The following F8 variants were observed in gnomAD, a reference collection of about 807,000 sequenced individuals.
F8 encodes the protein antihemophilic factor.
Under a neutral mutation model 140.6 loss-of-function variants are expected in F8, and 12 were observed. That is an observed-to-expected ratio of 0.09 (90% confidence interval 0.05 to 0.14). The LOEUF (loss-of-function observed/expected upper bound fraction) is 0.14, where lower values mean the gene tolerates loss of function less well. Ranked by LOEUF, F8 falls within the 10% of genes least tolerant of loss-of-function variation. The pLI is 1.00. For synonymous variants in F8, 585 were observed against 614.6 expected (o/e 0.95, Z 0.71); for missense variants, 1,354 against 1,720.7 (o/e 0.79, Z 3.77).
At chrX:154,837,817 C>T (rs2072486670) in intron 25 of F8, 65 bp from the exon 26 acceptor site, 24 of 1,080,679 alleles carry the variant, frequency 2.2e-5, no homozygotes, top group Middle Eastern at 2.5e-4. Flanking sequence ...AAAGCACAGA[C>T]GCTTTTCTCA....
intron 22 of F8, among the ~76,000 whole-genome samples, chrX:154,873,751 T>A (rs1414478335): frequency 9.0e-6 from 1 of 110,752 alleles, no homozygotes; most frequent in Non-Finnish European, 1.9e-5. Context: ...GAAAAGAGAG[T>A]CTCTTCAATA....
chrX:154,837,687 A>C lies in F8; in HGVS notation c.6966T>G (p.Thr2322=), dbSNP rs1557271050. Residue 2322 remains threonine, a synonymous_variant, in exon 26 of 26, where the codon ACT becomes ACG. Transcript: ENST00000360256. ...VVNSLDPPLL[T]RYLRIHPQSW... is the part of the protein sequence containing the mutation. ...TCTGGGGGTGAATTCGAAGGTAGCG[A>C]GTCAGTAACGGTGGGTCTAGAGAGT... 8.3e-7 allele frequency: 1 copy of C among 1,211,554 alleles called. No homozygotes were observed. The highest frequency in any genetic ancestry group is 1.8e-5 in the South Asian group (1 of 56,900).
intron 14 of F8, among the ~76,000 whole-genome samples, chrX:154,928,137 C>T (rs2073170281): frequency 9.0e-6 from 1 of 111,643 alleles, no homozygotes; most frequent in Non-Finnish European, 1.9e-5. Flanking sequence ...ACTGACTCTC[C>T]TTATGTTTAT....
chrX:154,924,090 A>C (rs2073147236), intron 14 of F8, among the ~76,000 whole-genome samples: 1 of 112,626 alleles, frequency 8.9e-6, no homozygotes, highest in African/African-American at 3.2e-5. Flanking sequence ...AGGCCTCCCC[A>C]GCCATGTGGA....
rs147648681 is a variant in F8, at chrX:155,007,954, T to C, written c.144-8354A>G. Reference sequence around the variant, plus strand: ...TAGAAAGGACAGGACTTCATTGTGATACCTAATCTTGGCGTAACTTAGCCT... The same window carrying C: ...TAGAAAGGACAGGACTTCATTGTGACACCTAATCTTGGCGTAACTTAGCCT... On this transcript the variant is annotated intron_variant, in intron 1 of 25. Transcript: ENST00000360256. Among the ~76,000 whole-genome samples the C allele has an allele frequency of 8.9e-4, 99 of 111,456 alleles. 1 individual carries two copies. Among genetic ancestry groups the C allele is most frequent in the African/African-American group, 3.1e-3 (96 of 30,623 alleles).
intron 22 of F8, among the ~76,000 whole-genome samples, chrX:154,877,553 C>T (rs192139452): frequency 1.3e-4 from 14 of 110,774 alleles, no homozygotes; most frequent in African/African-American, 3.6e-4. Flanking sequence ...AGTGCAGTGG[C>T]GCCATCTCCG....
intron 25 of F8, among the ~76,000 whole-genome samples, chrX:154,854,412 G>T (rs1397878313): frequency 1.8e-5 from 2 of 112,109 alleles, no homozygotes; most frequent in African/African-American, 6.5e-5. Flanking sequence ...TTTAAACTGG[G>T]ACTTCAGTTT....
chrX:155,013,313 C>T (rs970410732), intron 1 of F8, among the ~76,000 whole-genome samples: 11 of 110,595 alleles, frequency 9.9e-5, no homozygotes, highest in Non-Finnish European at 1.9e-4. Flanking sequence ...CCATGCTGTT[C>T]ACATTATAGT....
chrX:155,018,031 AT>A (rs782805561), intron 1 of F8, among the ~76,000 whole-genome samples: 9,618 of 98,093 alleles, frequency 0.098, 484 homozygotes, highest in Non-Finnish European at 0.14. Flanking sequence ...TGCCCAGCTA[AT>A]TTTTTTTTTT....
At chrX:155,011,762 A>AT (rs2073707173) in intron 1 of F8, among the ~76,000 whole-genome samples, 1 of 112,556 alleles carries the variant, frequency 8.9e-6, no homozygotes, top group Non-Finnish European at 1.9e-5. Context: ...AACATGGAAG[A>AT]TTTTTTTAAA....
rs782454504 is a variant in F8, at chrX:154,999,189, C to T, written c.265+290G>A. Among the ~76,000 whole-genome samples, 16 of 110,294 alleles carry T rather than the reference C, an allele frequency of 1.5e-4. No homozygotes were observed. In the East Asian group the frequency reaches 2.3e-3, roughly 16 times the overall value. ...TTTAGAATAAGGGGATACTTCCCAC[C>T]TATAATTCTCAGCAACAATTCTAAG... On this transcript the variant is annotated intron_variant, in intron 2 of 25. Coordinates refer to ENST00000360256, the MANE Select transcript of F8 (RefSeq NM_000132.4).
chrX:154,925,051 A>T (rs1185736282), intron 14 of F8, among the ~76,000 whole-genome samples: 1 of 112,208 alleles, frequency 8.9e-6, no homozygotes, highest in African/African-American at 3.2e-5. Flanking sequence ...TGTCTTGGGG[A>T]TTAACATTCG....
intron 2 of F8, 36 bp downstream of exon 2, chrX:154,999,443 A>G (rs782280121): frequency 8.4e-7 from 1 of 1,189,862 alleles, no homozygotes; most frequent in Admixed American, 2.2e-5. Context: ...TAAGATACCC[A>G]ATTTCATAAA....
intron 22 of F8, among the ~76,000 whole-genome samples, chrX:154,881,577 T>C (rs2072860888): frequency 9.0e-6 from 1 of 110,888 alleles, no homozygotes; most frequent in Non-Finnish European, 1.9e-5. Context: ...ATTAACAGAA[T>C]GCATGGCGGA....
At chrX:154,885,971 G>C (rs1482226448) in intron 22 of F8, among the ~76,000 whole-genome samples, 3 of 8,857 alleles carry the variant, frequency 3.4e-4, no homozygotes, top group South Asian at 0.011. Flanking sequence ...GGGCGGGGGG[G>C]GGGGGGGACA....
intron 25 of F8, among the ~76,000 whole-genome samples, chrX:154,846,713 C>A (rs2072569121): frequency 8.9e-6 from 1 of 111,832 alleles, no homozygotes; most frequent in Non-Finnish European, 1.9e-5. Flanking sequence ...ATACAGCACA[C>A]TGATGGGTCT....
intron 1 of F8, among the ~76,000 whole-genome samples, chrX:155,017,960 G>C (rs782636848): frequency 9.0e-6 from 1 of 111,052 alleles, no homozygotes; most frequent in African/African-American, 3.3e-5. Flanking sequence ...CGCCTCCTAG[G>C]TTCAAGCAAT....
At chrX:154,866,651 A>T (rs190702004) in intron 22 of F8, among the ~76,000 whole-genome samples, 100 of 112,019 alleles carry the variant, frequency 8.9e-4, no homozygotes, top group African/African-American at 3.1e-3. Context: ...CACAGAAGAA[A>T]CCAAAATCTT....
At chrX:154,901,155 A>C (rs2073007577) in intron 20 of F8, among the ~76,000 whole-genome samples, 1 of 111,912 alleles carries the variant, frequency 8.9e-6, no homozygotes, top group African/African-American at 3.2e-5. Flanking sequence ...GAGGATATTT[A>C]AGGAGGCAGT....
Sources: allele counts gnomAD v4.1 joint callset (sites outside exome capture counted in the v4.1 genomes callset), GRCh38; gene constraint gnomAD v4.1.1; transcripts MANE v1.5; gene names NCBI Gene and HGNC (gene_info 2026-07-23, HGNC 2026-07-21).